The following OR2L13 variants were observed in gnomAD, a reference collection of about 807,000 sequenced individuals.
OR2L13 encodes the protein olfactory receptor 2L13.
Under a neutral mutation model 15.3 loss-of-function variants are expected in OR2L13, and 14 were observed. That is an observed-to-expected ratio of 0.91 (90% CI 0.60 to 1.43). The LOEUF (loss-of-function observed/expected upper bound fraction) is 1.43, where lower values mean the gene tolerates loss of function less well. Ranked by LOEUF, OR2L13 falls within the 40% of genes most tolerant of loss-of-function variation. The pLI, the probability that OR2L13 is intolerant of heterozygous loss-of-function variation, is 0.00. For synonymous variants in OR2L13, 152 were observed against 142.9 expected (o/e 1.06, Z -0.45); for missense variants, 367 against 387.9 (o/e 0.95, Z 0.45).
chr1:247,966,070 A>G, the OR2L13 span: 2 of 1,614,208 alleles, frequency 1.2e-6, no homozygotes, highest in Non-Finnish European at 1.7e-6. Context: ...GAGCTCAGGA[A>G]AAGGACAGGC....
the OR2L13 span, among the ~76,000 whole-genome samples, chr1:247,986,804 G>A: frequency 0.028 from 4,288 of 152,144 alleles, 167 homozygotes; most frequent in African/African-American, 0.098. Flanking sequence ...GTGGTTTGTT[G>A]TTCTCCTTGT....
At chr1:247,979,896 G>C in the OR2L13 span, among the ~76,000 whole-genome samples, 1 of 150,154 alleles carries the variant, frequency 6.7e-6, no homozygotes, top group Non-Finnish European at 1.5e-5. Flanking sequence ...AGTTGTGTTT[G>C]ATTTTCAGGA....
chr1:247,962,903 C>A, the OR2L13 span, among the ~76,000 whole-genome samples: 1 of 152,022 alleles, frequency 6.6e-6, no homozygotes, highest in East Asian at 1.9e-4. Context: ...CATGTATTTT[C>A]TTTTTTTAAG....
chr1:248,089,184 G>A, the OR2L13 span, among the ~76,000 whole-genome samples: 1 of 152,112 alleles, frequency 6.6e-6, no homozygotes, highest in South Asian at 2.1e-4. Context: ...TGAGGAAAAT[G>A]CTACCCTTGC....
chr1:248,044,809 C>CA, the OR2L13 span, among the ~76,000 whole-genome samples: 2,253 of 8,092 alleles, frequency 0.28, 547 homozygotes, highest in East Asian at 0.43. Flanking sequence ...AACTCCGTCT[C>CA]AAAAAAAAAA....
chr1:248,058,738 A>T, the OR2L13 span, among the ~76,000 whole-genome samples: 1 of 151,954 alleles, frequency 6.6e-6, no homozygotes, highest in East Asian at 1.9e-4. Flanking sequence ...TTCAGAGAAA[A>T]TTTTTAAAGA....
At chr1:248,003,363 C>T in the OR2L13 span, 5 of 1,605,444 alleles carry the variant, frequency 3.1e-6, 1 homozygote, top group Admixed American at 6.7e-5. Context: ...ACCATTGTTC[C>T]TAAGATGGCA....
the OR2L13 span, among the ~76,000 whole-genome samples, chr1:248,059,179 G>A: frequency 6.6e-6 from 1 of 152,142 alleles, no homozygotes; most frequent in Non-Finnish European, 1.5e-5. Flanking sequence ...CTGTGTGAAT[G>A]TTAGTTGTAT....
At chr1:247,958,171 C>G in the OR2L13 span, among the ~76,000 whole-genome samples, 1 of 152,140 alleles carries the variant, frequency 6.6e-6, no homozygotes, top group Non-Finnish European at 1.5e-5. Context: ...CAAAGAACAT[C>G]TTTATTCCTG....
At chr1:247,983,434 A>G in the OR2L13 span, among the ~76,000 whole-genome samples, 1 of 152,210 alleles carries the variant, frequency 6.6e-6, no homozygotes, top group Non-Finnish European at 1.5e-5. Context: ...GCTGACACCT[A>G]GATATATACA....
At chr1:248,003,377 G>T in the OR2L13 span, 1 of 1,609,432 alleles carries the variant, frequency 6.2e-7, no homozygotes, top group Non-Finnish European at 8.5e-7. Flanking sequence ...GATGGCATCT[G>T]ATTTTCTGCA....
the OR2L13 span, chr1:248,022,613 T>A: frequency 6.2e-7 from 1 of 1,614,184 alleles, no homozygotes; most frequent in Non-Finnish European, 8.5e-7. Context: ...GGGTTCTCCT[T>A]GCTGTCTACC....
At chr1:248,099,293 G>A (rs1004554642) in intron 2 of OR2L13, 65 bp from the exon 3 acceptor site, 3 of 929,086 alleles carry the variant, frequency 3.2e-6, no homozygotes, top group African/African-American at 3.3e-5. Flanking sequence ...GTTCCTTTTT[G>A]TTTTTCTATT....
At chr1:247,992,917 G>T in the OR2L13 span, among the ~76,000 whole-genome samples, 1,038 of 152,184 alleles carry the variant, frequency 6.8e-3, 10 homozygotes, top group African/African-American at 0.022. Flanking sequence ...TAGGTCAAAT[G>T]GTATCTCTAA....
the OR2L13 span, among the ~76,000 whole-genome samples, chr1:247,953,291 T>C: frequency 6.6e-6 from 1 of 152,182 alleles, no homozygotes; most frequent in Non-Finnish European, 1.5e-5. Flanking sequence ...TATGCTGTGG[T>C]TATTATTTCG....
chr1:248,042,049 T>G, the OR2L13 span: 1 of 152,094 alleles, frequency 6.6e-6, no homozygotes, highest in Non-Finnish European at 1.5e-5. Context: ...TAAAGACACA[T>G]GCACACCTAT....
At chr1:248,002,668 G>A in the OR2L13 span, among the ~76,000 whole-genome samples, 13 of 152,082 alleles carry the variant, frequency 8.5e-5, no homozygotes, top group Admixed American at 8.5e-4. Context: ...ACCATCCTGT[G>A]TAACACGGTG....
chr1:247,990,979 T>C, the OR2L13 span: 1 of 1,503,322 alleles, frequency 6.7e-7, no homozygotes, highest in East Asian at 2.3e-5. Flanking sequence ...GAAGGCCTAT[T>C]CGACCTGCAG....
At chr1:248,022,685 A>G in the OR2L13 span, 5 of 1,614,012 alleles carry the variant, frequency 3.1e-6, no homozygotes, top group African/African-American at 1.3e-5. Context: ...ACCTCACTGT[A>G]GTAACTTTCT....
Sources: gnomAD v4.1 joint callset for allele counts (sites outside exome capture counted in the v4.1 genomes callset) on GRCh38, gnomAD v4.1.1 for gene constraint, MANE v1.5 for transcripts, NCBI Gene and HGNC (gene_info 2026-07-23, HGNC 2026-07-21) for gene names.